PVT1: variants seen among roughly 807,000 people sequenced by gnomAD.
PVT1 encodes the protein CXCR4/PVT1 fusion.
chr8:128,027,631 T>C (rs1813327333), intron 4 of PVT1, among the ~76,000 whole-genome samples: 2 of 152,160 alleles, frequency 1.3e-5, no homozygotes, highest in Admixed American at 6.5e-5. Context: ...TGCCTTCTCT[T>C]CATCCTGAAG....
chr8:127,896,780 C>CCCCCCCCCCCCCA (rs1815683721), intron 3 of PVT1, among the ~76,000 whole-genome samples: 3 of 141,100 alleles, frequency 2.1e-5, no homozygotes, highest in Admixed American at 6.9e-5. Context: ...TTCCTCCCCC[C>CCCCCCCCCCCCCA]CCCCGCCCCC....
intron 2 of PVT1, among the ~76,000 whole-genome samples, chr8:127,856,796 G>C (rs944378787): frequency 6.6e-6 from 1 of 152,206 alleles, no homozygotes; most frequent in South Asian, 2.1e-4. Flanking sequence ...ACTGGTCCTG[G>C]CTACACAGCC....
chr8:127,844,690 GTGTTTTTTTTT>G (rs1815011033), intron 2 of PVT1, among the ~76,000 whole-genome samples: 1 of 150,408 alleles, frequency 6.6e-6, no homozygotes. Flanking sequence ...GAATGGAGGT[GTGTTTTTTTTT>G]TGTTTTGTTT....
At chr8:128,031,558 ACT>A (rs966022346) in intron 4 of PVT1, among the ~76,000 whole-genome samples, 1 of 152,098 alleles carries the variant, frequency 6.6e-6, no homozygotes, top group African/African-American at 2.4e-5. Flanking sequence ...ATGAGTCCAA[ACT>A]CTTAGAGTTT....
intron 2 of PVT1, among the ~76,000 whole-genome samples, chr8:127,858,805 CTTTTTT>C (rs35886687): frequency 2.2e-3 from 104 of 47,324 alleles, no homozygotes; most frequent in African/African-American, 7.7e-3. Context: ...CTTGAAGATT[CTTTTTT>C]TTTTTTTTTT....
intron 2 of PVT1, among the ~76,000 whole-genome samples, chr8:127,844,396 A>G (rs1489911467): frequency 6.6e-6 from 1 of 152,284 alleles, no homozygotes; most frequent in East Asian, 1.9e-4. Context: ...TTGGGTGGGT[A>G]TGTTTCACAC....
intron 3 of PVT1, among the ~76,000 whole-genome samples, chr8:127,936,652 G>A (rs1816279562): frequency 6.6e-6 from 1 of 152,196 alleles, no homozygotes; most frequent in South Asian, 2.1e-4. Flanking sequence ...GGTCAACAAA[G>A]GCAGTAGGCA....
At chr8:127,909,141 C>T (rs567170020) in intron 3 of PVT1, among the ~76,000 whole-genome samples, 52 of 152,310 alleles carry the variant, frequency 3.4e-4, no homozygotes, top group Admixed American at 2.4e-3. Context: ...TTCGTATTTA[C>T]TGATGGATGA....
intron 2 of PVT1, among the ~76,000 whole-genome samples, chr8:127,869,637 G>A (rs1030693664): frequency 6.6e-6 from 1 of 152,074 alleles, no homozygotes; most frequent in Non-Finnish European, 1.5e-5. Context: ...TGTTTCTACT[G>A]TTCCCTGCTA....
chr8:128,034,636 CA>C (rs1429030093), intron 4 of PVT1, among the ~76,000 whole-genome samples: 1 of 152,226 alleles, frequency 6.6e-6, no homozygotes, highest in African/African-American at 2.4e-5. Context: ...TAGGTACAAG[CA>C]GGGGCACCCT....
chr8:128,020,512 C>A (rs1299597443), intron 4 of PVT1, among the ~76,000 whole-genome samples: 1 of 152,148 alleles, frequency 6.6e-6, no homozygotes, highest in Non-Finnish European at 1.5e-5. Context: ...CTAACGGTGG[C>A]CCCTAGCTAA....
chr8:127,911,351 G>A (rs538182244), intron 3 of PVT1, among the ~76,000 whole-genome samples: 2 of 152,358 alleles, frequency 1.3e-5, no homozygotes, highest in Admixed American at 1.3e-4. Flanking sequence ...ACCGCAAGGG[G>A]AGTGCTCCTG....
chr8:128,020,276 C>T (rs1306919714), intron 4 of PVT1, among the ~76,000 whole-genome samples: 1 of 152,178 alleles, frequency 6.6e-6, no homozygotes. Context: ...GGGGACTTTG[C>T]AGATGTAATT....
chr8:127,922,223 G>A (rs1468547470), intron 3 of PVT1, among the ~76,000 whole-genome samples: 2 of 151,350 alleles, frequency 1.3e-5, no homozygotes, highest in African/African-American at 4.9e-5. Context: ...ATTATAAATT[G>A]TATACTAATA....
intron 3 of PVT1, among the ~76,000 whole-genome samples, chr8:127,975,718 C>G (rs1470991837): frequency 6.6e-6 from 1 of 152,202 alleles, no homozygotes; most frequent in African/African-American, 2.4e-5. Context: ...CTAGATTTGT[C>G]TTATGAGCTA....
chr8:127,879,837 C>T (rs1815445521), intron 2 of PVT1, among the ~76,000 whole-genome samples: 1 of 152,242 alleles, frequency 6.6e-6, no homozygotes, highest in Admixed American at 6.5e-5. Flanking sequence ...GTTTAAGGAC[C>T]AGTTCCTCCT....
chr8:127,849,417 G>A (rs963775642), intron 2 of PVT1, among the ~76,000 whole-genome samples: 1 of 152,106 alleles, frequency 6.6e-6, no homozygotes, highest in African/African-American at 2.4e-5. Context: ...CCCAGCTTTC[G>A]AAACAAGGTG....
At chr8:127,800,454 T>A (rs933272038) in intron 2 of PVT1, among the ~76,000 whole-genome samples, 1 of 152,182 alleles carries the variant, frequency 6.6e-6, no homozygotes, top group African/African-American at 2.4e-5. Flanking sequence ...CTAACTCCTG[T>A]GCAAAGTCTC....
chr8:127,876,396 G>C (rs1438097234), intron 2 of PVT1, among the ~76,000 whole-genome samples: 1 of 149,012 alleles, frequency 6.7e-6, no homozygotes, highest in East Asian at 1.9e-4. Flanking sequence ...GTGCTATTCT[G>C]ACAGGTTTTT....
Sources: gnomAD v4.1 joint callset for allele counts (sites outside exome capture counted in the v4.1 genomes callset) on GRCh38, gnomAD v4.1.1 for gene constraint, MANE v1.5 for transcripts, NCBI Gene and HGNC (gene_info 2026-07-23, HGNC 2026-07-21) for gene names.